Variants in HK2 observed in about 807,000 individuals in gnomAD.
HK2 encodes the protein hexokinase 2.
Under a neutral mutation model 92.9 loss-of-function variants are expected in HK2, and 42 were observed. That is an observed-to-expected ratio of 0.45 (90% CI 0.35 to 0.58). The LOEUF (loss-of-function observed/expected upper bound fraction) is 0.58. HK2 is among the 20% of genes least tolerant of loss of function. The pLI, the probability that HK2 is intolerant of heterozygous loss-of-function variation, is 0.00. For synonymous variants in HK2, 422 were observed against 468.0 expected, an observed-to-expected ratio of 0.90 and a Z score of 1.27; for missense variants, 978 against 1,245.1, an observed-to-expected ratio of 0.79 and a Z score of 3.23.
intron 1 of HK2, among the ~76,000 whole-genome samples, chr2:74,840,880 A>G (rs1249699335): frequency 5.8e-5 from 1 of 17,176 alleles, no homozygotes; most frequent in Non-Finnish European, 3.5e-4. Context: ...CTCTGTCTCA[A>G]AAAAAAAAAA....
intron 1 of HK2, among the ~76,000 whole-genome samples, chr2:74,844,711 C>T (rs1688396791): frequency 6.6e-6 from 1 of 152,204 alleles, no homozygotes; most frequent in Non-Finnish European, 1.5e-5. Flanking sequence ...CAGAGTCTGA[C>T]TTCTAGGGAC....
chr2:74,891,954 T>C lies in HK2; in HGVS notation c.*1013T>C, dbSNP rs1298282389. ...CTGTGGGAAGAGAAGGGAAGCCTCTTCAGGGTGAGTGAATGGCAAAGCGGT... is the reference window on the plus strand; with the variant it reads ...CTGTGGGAAGAGAAGGGAAGCCTCTCCAGGGTGAGTGAATGGCAAAGCGGT... On this transcript the variant is annotated 3_prime_UTR_variant, in exon 18 of 18. Transcript: ENST00000290573. 1 of 152,570 alleles carries C rather than the reference T, an allele frequency of 6.6e-6. No individual in the cohort carries two copies. Among genetic ancestry groups the C allele is most frequent in the Non-Finnish European group, 1.5e-5 (1 of 68,046 alleles). The allele number at this position is 152,570 out of a possible 1,614,324, so 9.5% of individuals were successfully genotyped here.
intron 8 of HK2, among the ~76,000 whole-genome samples, chr2:74,877,930 G>T (rs559175453): frequency 5.4e-4 from 82 of 152,290 alleles, no homozygotes; most frequent in African/African-American, 1.9e-3. Context: ...AGAAGTCCTG[G>T]TGTTTCAGGG....
At position 74,886,307 on chromosome 2, in the gene HK2, A is replaced by G; in HGVS notation, c.1949A>G (p.Asp650Gly). The change falls in exon 14 of 18, where the codon GAT (aspartate) becomes GGT (glycine). Residue 650 changes from aspartate to glycine, a missense_variant. Coordinates refer to ENST00000290573, the MANE Select transcript of HK2 (RefSeq NM_000189.5). The part of the protein sequence containing the change: ...AIHRREEFDL[D>G]VVAVVNDTVG... ...CTTCCCTCTCAGGAGTTTGACCTGG[A>G]TGTGGTTGCTGTGGTGAACGACACA... 8 of 1,614,074 alleles carry G rather than the reference A, an allele frequency of 5.0e-6. No individual in the cohort carries two copies. The highest frequency in any genetic ancestry group is 6.8e-6 in the Non-Finnish European group (8 of 1,179,972).
intron 2 of HK2, among the ~76,000 whole-genome samples, chr2:74,864,695 CAG>C (rs1688907115): frequency 6.6e-6 from 1 of 152,146 alleles, no homozygotes; most frequent in Non-Finnish European, 1.5e-5. Context: ...TTAGTAGAGA[CAG>C]GGTTTCACCA....
chr2:74,839,515 A>G (rs1573350315), intron 1 of HK2, among the ~76,000 whole-genome samples: 2 of 152,208 alleles, frequency 1.3e-5, no homozygotes, highest in East Asian at 3.8e-4. Flanking sequence ...TCAGAAGACA[A>G]CTGATGGTAG....
chr2:74,888,659 T>C lies in HK2; in HGVS notation c.2376-586T>C, dbSNP rs77415864. Among the ~76,000 whole-genome samples the C allele has an allele frequency of 8.7e-4, 132 of 152,390 alleles. 2 individuals carry two copies. The East Asian group carries it at 0.022, about 25-fold the overall frequency. On this transcript the variant is annotated intron_variant, in intron 16 of 17. Coordinates refer to ENST00000290573, the MANE Select transcript of HK2 (RefSeq NM_000189.5). ...CTGATGTGAGTAGACCCCTCGGGCATCTGCACCAGTGAATAGAAAGATATA... is the reference window on the plus strand; with the variant it reads ...CTGATGTGAGTAGACCCCTCGGGCACCTGCACCAGTGAATAGAAAGATATA...
intron 12 of HK2, 43 bp from the exon 13 acceptor site, chr2:74,885,451 G>A: frequency 3.6e-6 from 5 of 1,407,966 alleles, no homozygotes; most frequent in Non-Finnish European, 5.0e-6. Flanking sequence ...TGACCTGGGA[G>A]CTCTTCCCTG....
In HK2 at chr2:74,880,401, C is replaced by T. The variant is rs368018473; in HGVS notation, c.1402C>T (p.Arg468Cys). The change falls in exon 10 of 18, where the codon CGT becomes TGT. Residue 468 changes from arginine to cysteine, a missense_variant. Coordinates refer to ENST00000290573, the MANE Select transcript of HK2 (RefSeq NM_000189.5). Reference sequence around the variant, plus strand: ...GGCTTACCGGCTGGCCGATCAACACCGTGCCCGCCAGAAGACATTAGAGCA... The same window carrying T: ...GGCTTACCGGCTGGCCGATCAACACTGTGCCCGCCAGAAGACATTAGAGCA... Reference protein sequence around the residue: ...AVAYRLADQHRARQKTLEHLQ... With the variant: ...AVAYRLADQHCARQKTLEHLQ... The T allele has an allele frequency of 7.4e-6, 12 of 1,614,084 alleles. No homozygotes were observed. The highest frequency in any genetic ancestry group is 5.3e-5 in the African/African-American group (4 of 74,916).
In HK2 at chr2:74,882,158, C is replaced by G. The variant is rs140362296; in HGVS notation, c.1758C>G (p.Leu586=). ...TTGTCCAGTGCATCGCGGACTTCCT[C>G]GAGTACATGGGCATGAAGGGCGTGT... The part of the protein sequence containing the change: ...DHIVQCIADF[L]EYMGMKGVSL... The change falls in exon 12 of 18, where the codon CTC becomes CTG. Residue 586 remains leucine (L), a synonymous_variant. Coordinates refer to ENST00000290573, the MANE Select transcript of HK2 (RefSeq NM_000189.5). 14 of 1,614,066 alleles carry G rather than the reference C, an allele frequency of 8.7e-6. No individual in the cohort carries two copies. In the South Asian group the frequency reaches 1.5e-4, roughly 18 times the overall value.
At chr2:74,860,349 C>A (rs1451704654) in intron 2 of HK2, among the ~76,000 whole-genome samples, 1 of 152,118 alleles carries the variant, frequency 6.6e-6, no homozygotes, top group Non-Finnish European at 1.5e-5. Context: ...CTAAAAAAAA[C>A]CTCCATCAAG....
In HK2 at chr2:74,881,875, C is replaced by T; in HGVS notation, c.1719+16C>T. 6.2e-7 allele frequency: 1 copy of T among 1,613,562 alleles called. No individual in the cohort carries two copies. ...CGGGGACGAGGTGAGCAGGGCGGCG[C>T]CTTCAGGAGGGGGCCCCTGGTGGAC... On this transcript the variant is annotated intron_variant, in intron 11 of 17. Coordinates refer to ENST00000290573, the MANE Select transcript of HK2 (RefSeq NM_000189.5).
At chr2:74,841,581 A>G (rs936529465) in intron 1 of HK2, among the ~76,000 whole-genome samples, 1 of 152,190 alleles carries the variant, frequency 6.6e-6, no homozygotes, top group African/African-American at 2.4e-5. Context: ...TGTGACCGTC[A>G]TGGTGGGAAA....
chr2:74,878,758 T>C lies in HK2; in HGVS notation c.1102T>C (p.Cys368Arg), dbSNP rs2103980499. The C allele has an allele frequency of 1.3e-6, 2 of 1,595,554 alleles. No homozygotes were observed. Among genetic ancestry groups the C allele is most frequent in the East Asian group, 2.3e-5 (1 of 43,972 alleles). ...RLGLDPTQEDCVATHRICQIV... is the reference protein window; with the variant it reads ...RLGLDPTQEDRVATHRICQIV... ...GGGCCTGGACCCGACTCAGGAGGACTGCGTGGCCACTCACCGGATCTGCCA... is the reference window on the plus strand; with the variant it reads ...GGGCCTGGACCCGACTCAGGAGGACCGCGTGGCCACTCACCGGATCTGCCA... Residue 368 changes from cysteine to arginine, a missense_variant, in exon 9 of 18, where the codon TGC becomes CGC. This residue lies in a region of HK2 where 742 missense variants were observed against 922.5 expected (regional missense o/e 0.80). Transcript: ENST00000290573.
chr2:74,858,109 A>G (rs971036103), intron 2 of HK2, among the ~76,000 whole-genome samples: 3 of 152,256 alleles, frequency 2.0e-5, no homozygotes, highest in Non-Finnish European at 2.9e-5. Flanking sequence ...TCTGGGCTAT[A>G]TCTTCACAGC....
intron 10 of HK2, 93 bp from the exon 11 acceptor site, chr2:74,881,618 C>G (rs562854257): frequency 2.7e-5 from 34 of 1,282,746 alleles, no homozygotes; most frequent in Non-Finnish European, 9.1e-6. Context: ...TTTGATGGAA[C>G]AGGAATGGTG....
chr2:74,879,933 A>T lies in HK2; in HGVS notation c.1266-332A>T, dbSNP rs114973125. Among the ~76,000 whole-genome samples, 1,259 of 152,346 alleles carry T rather than the reference A, an allele frequency of 8.3e-3. 17 individuals are homozygous for T. The highest frequency in any genetic ancestry group is 0.027 in the African/African-American group (1,138 of 41,576). ...CAGGGCTGCTCCAGCAAAGAGGCTG[A>T]TGGTACCATGTTGGGCAAGGGAGCA... On this transcript the variant is annotated intron_variant, in intron 9 of 17. Transcript: ENST00000290573.
intron 10 of HK2, 59 bp downstream of exon 10, chr2:74,880,628 C>A: frequency 6.5e-7 from 1 of 1,530,674 alleles, no homozygotes; most frequent in Non-Finnish European, 9.0e-7. Context: ...GTGTTGATAC[C>A]CTGGGAGGGA....
chr2:74,849,444 G>A lies in HK2; in HGVS notation c.64-4849G>A, dbSNP rs374978273. Among the ~76,000 whole-genome samples the A allele has an allele frequency of 2.6e-5, 4 of 152,294 alleles. No homozygotes were observed. In the East Asian group the frequency reaches 5.8e-4, roughly 22 times the overall value. On this transcript the variant is annotated intron_variant, in intron 1 of 17. Coordinates refer to ENST00000290573, the MANE Select transcript of HK2 (RefSeq NM_000189.5). ...TGGGCTGGCAGCTTGGCAGGCAGAC[G>A]GGAAGGTAACCCGTTCTTCAGCCAG... is the stretch of plus-strand genomic sequence containing the variant.
Sources: allele counts gnomAD v4.1 joint callset (sites outside exome capture counted in the v4.1 genomes callset), GRCh38; gene constraint gnomAD v4.1.1; regional missense constraint gnomAD v4.1.1; transcripts MANE v1.5; gene names NCBI Gene and HGNC (gene_info 2026-07-23, HGNC 2026-07-21).